SEPTIN9: variants seen among roughly 807,000 people sequenced by gnomAD.
SEPTIN9 encodes the protein septin-9.
In SEPTIN9, 13 loss-of-function variants were observed where a neutral mutation model predicts 56.6. The observed-to-expected ratio is 0.23, with a 90% confidence interval of 0.15 to 0.37. The LOEUF is 0.37. SEPTIN9 is among the 10% of genes least tolerant of loss of function. The probability of loss-of-function intolerance (pLI) is 1.00; values close to 1 mark genes in which losing one functional copy is unlikely to be tolerated. For synonymous variants in SEPTIN9, 332 were observed against 334.1 expected (o/e 0.99, Z 0.07); for missense variants, 650 against 823.1 (o/e 0.79, Z 2.57).
chr17:77,378,016 C>T (rs867979518), intron 2 of SEPTIN9, among the ~76,000 whole-genome samples: 6 of 152,126 alleles, frequency 3.9e-5, no homozygotes, highest in Non-Finnish European at 7.4e-5. Flanking sequence ...CCCACTGTCC[C>T]GACTACGAGT....
At chr17:77,418,343 C>T (rs995713700) in intron 3 of SEPTIN9, among the ~76,000 whole-genome samples, 1 of 152,176 alleles carries the variant, frequency 6.6e-6, no homozygotes, top group African/African-American at 2.4e-5. Flanking sequence ...GCCTCCAGCT[C>T]TGCTCTTTTT....
intron 1 of SEPTIN9, among the ~76,000 whole-genome samples, chr17:77,293,621 T>C (rs909452276): frequency 5.9e-5 from 9 of 152,310 alleles, no homozygotes; most frequent in Admixed American, 5.9e-4. Context: ...AATGATTCAT[T>C]TAGAATGAGA....
Position 77,487,440 on chromosome 17 carries a change from T to A in SEPTIN9, c.930T>A (p.Gly310=). The A allele has an allele frequency of 6.3e-7, 1 of 1,598,514 alleles. No homozygotes were observed. Among genetic ancestry groups the A allele is most frequent in the Non-Finnish European group, 8.5e-7 (1 of 1,173,926 alleles). The stretch of plus-strand genomic sequence containing the variant: ...TCTCCCCAGGGCAGAGCGGCTTGGG[T>A]AAATCCACCTTAATCAACACCCTCT... ...NIMVVGQSGL[G]KSTLINTLFK... The change falls in exon 5 of 12, where the codon GGT becomes GGA. Residue 310 remains glycine, a synonymous_variant. Coordinates refer to ENST00000427177, the MANE Select transcript of SEPTIN9 (RefSeq NM_001113491.2). This position sits in a 1 kb window ranked among gnomAD's most constrained non-coding sequence, Gnocchi z 4.3.
intron 2 of SEPTIN9, among the ~76,000 whole-genome samples, chr17:77,383,276 T>C (rs2035213789): frequency 6.6e-6 from 1 of 151,766 alleles, no homozygotes; most frequent in Non-Finnish European, 1.5e-5. Context: ...CTCCTGTGAC[T>C]GAGCTTCTCC....
chr17:77,453,926 A>G lies in SEPTIN9; in HGVS notation c.722-28218A>G. The G allele has an allele frequency of 2.5e-6, 1 of 398,622 alleles. No individual in the cohort carries two copies. The highest frequency in any genetic ancestry group is 3.4e-6 in the Non-Finnish European group (1 of 293,426). 24.7% of individuals were successfully genotyped at this position (398,622 alleles called of 1,614,324 possible). A position where few individuals can be genotyped will look rare whatever the true frequency, so the allele number is the denominator to read the frequency against. On this transcript the variant is annotated intron_variant, in intron 3 of 11. Transcript: ENST00000427177. The surrounding 1 kb of genome is among the most constrained non-coding windows in gnomAD (Gnocchi z 4.4). ...TGTGTGGCTTCCCTGCCGGTGTCAA[A>G]GGTCTCAAGGCCCCTTTAAGAAGCC... is the stretch of plus-strand genomic sequence containing the variant.
At position 77,484,303 on chromosome 17, in the gene SEPTIN9, G is replaced by C. The variant is rs539872447; in HGVS notation, c.913+1968G>C. Among the ~76,000 whole-genome samples the C allele has an allele frequency of 5.0e-3, 264 of 53,200 alleles. 2 individuals carry two copies. Among genetic ancestry groups the C allele is most frequent in the African/African-American group, 0.032 (253 of 7,868 alleles). The allele number at this position is 53,200 out of a possible 152,430, so 34.9% of individuals were successfully genotyped here. A position where few individuals can be genotyped will look rare whatever the true frequency, so the allele number is the denominator to read the frequency against. On this transcript the variant is annotated intron_variant, in intron 4 of 11. Transcript: ENST00000427177. The stretch of plus-strand genomic sequence containing the variant: ...AGTGGTGGGATGGTAGTGGTGATGT[G>C]GGTGATGGTGATTGTGATGGTGGTG...
chr17:77,491,383 A>G (rs1355168879), intron 8 of SEPTIN9, among the ~76,000 whole-genome samples: 1 of 152,092 alleles, frequency 6.6e-6, no homozygotes, highest in East Asian at 2.0e-4. Context: ...TTTTTAGTAG[A>G]GACGAGGTTT....
chr17:77,294,271 T>A (rs991430075), intron 1 of SEPTIN9, among the ~76,000 whole-genome samples: 5 of 151,078 alleles, frequency 3.3e-5, no homozygotes, highest in African/African-American at 1.2e-4. Flanking sequence ...ACATAAAAAA[T>A]TAGCCAGGTG....
At chr17:77,304,998 C>G (rs1446347628) in intron 1 of SEPTIN9, among the ~76,000 whole-genome samples, 1 of 152,068 alleles carries the variant, frequency 6.6e-6, no homozygotes, top group Non-Finnish European at 1.5e-5. Flanking sequence ...CCTGGGCAGC[C>G]CACCGGAGCT....
At chr17:77,284,284 C>T (rs115282231) in intron 1 of SEPTIN9, among the ~76,000 whole-genome samples, 40 of 152,214 alleles carry the variant, frequency 2.6e-4, no homozygotes, top group African/African-American at 8.9e-4. Flanking sequence ...GCCTGGGTGG[C>T]GTCATGAGAC....
intron 2 of SEPTIN9, among the ~76,000 whole-genome samples, chr17:77,352,169 G>A (rs998652566): frequency 2.0e-4 from 31 of 152,042 alleles, no homozygotes; most frequent in African/African-American, 6.0e-4. Context: ...AGGCCGAGGC[G>A]GTTGGATCAC....
At chr17:77,498,297 G>C (rs116776768) in intron 11 of SEPTIN9, among the ~76,000 whole-genome samples, 1 of 151,992 alleles carries the variant, frequency 6.6e-6, no homozygotes, top group Admixed American at 6.5e-5. Flanking sequence ...TGTTCTGACC[G>C]AGTCTGGGCT....
At chr17:77,442,984 T>C (rs1055450069) in intron 3 of SEPTIN9, among the ~76,000 whole-genome samples, 1 of 151,896 alleles carries the variant, frequency 6.6e-6, no homozygotes, top group Non-Finnish European at 1.5e-5. Flanking sequence ...CTTGTGACAA[T>C]GTCTTCTTAG....
intron 3 of SEPTIN9, among the ~76,000 whole-genome samples, chr17:77,406,790 C>A (rs899467484): frequency 6.6e-6 from 1 of 152,128 alleles, no homozygotes; most frequent in Non-Finnish European, 1.5e-5. Flanking sequence ...TCTGCCTCAG[C>A]CTCCCGAGTA....
At chr17:77,287,957 C>T in intron 1 of SEPTIN9, 4 of 1,052,050 alleles carry the variant, frequency 3.8e-6, no homozygotes, top group Non-Finnish European at 4.6e-6. Context: ...TGGTCATCCT[C>T]AGAGCGGTGT....
At chr17:77,304,193 TGGC>T (rs1311370283) in intron 1 of SEPTIN9, among the ~76,000 whole-genome samples, 4 of 152,210 alleles carry the variant, frequency 2.6e-5, no homozygotes, top group African/African-American at 9.6e-5. Flanking sequence ...GGAACAGCAG[TGGC>T]GGCAGCGGCT....
intron 1 of SEPTIN9, among the ~76,000 whole-genome samples, chr17:77,292,119 C>A (rs896549110): frequency 6.6e-5 from 10 of 152,296 alleles, no homozygotes; most frequent in African/African-American, 2.2e-4. Context: ...GCATCTGTAC[C>A]CCCGGAGATG....
At chr17:77,469,583 G>C (rs1439990845) in intron 3 of SEPTIN9, 2 of 152,190 alleles carry the variant, frequency 1.3e-5, no homozygotes, top group Non-Finnish European at 2.9e-5. Context: ...GGGTTGCTTG[G>C]ATGCCCTGTG....
intron 4 of SEPTIN9, among the ~76,000 whole-genome samples, chr17:77,484,707 TGATGTG>T (rs1484125265): frequency 7.7e-5 from 9 of 116,648 alleles, no homozygotes; most frequent in South Asian, 2.9e-4. Flanking sequence ...GTGATGGTGG[TGATGTG>T]GGTGGTGGTG....
Sources: gnomAD v4.1 joint callset for allele counts (sites outside exome capture counted in the v4.1 genomes callset) on GRCh38, gnomAD v4.1.1 for gene constraint, Gnocchi (gnomAD v3.1) non-coding constraint, MANE v1.5 for transcripts, NCBI Gene and HGNC (gene_info 2026-07-23, HGNC 2026-07-21) for gene names.